TACR1: variants seen among roughly 807,000 people sequenced by gnomAD.
TACR1 encodes the protein substance-P receptor.
In TACR1, 25 loss-of-function variants were observed where a neutral mutation model predicts 35.8. The ratio of observed to expected loss-of-function variants is 0.70; its 90% CI spans 0.51 to 0.98. The LOEUF (loss-of-function observed/expected upper bound fraction) is 0.98, where lower values mean the gene tolerates loss of function less well. Ranked by LOEUF, TACR1 falls within the 50% of genes least tolerant of loss-of-function variation. The pLI, the probability that TACR1 is intolerant of heterozygous loss-of-function variation, is 0.00. For missense variants in TACR1, 478 were observed against 522.9 expected, an observed-to-expected ratio of 0.91 and a Z score of 0.84; for synonymous variants, 195 against 206.7, an observed-to-expected ratio of 0.94 and a Z score of 0.48.
intron 2 of TACR1, among the ~76,000 whole-genome samples, chr2:75,097,129 T>C (rs1397750202): frequency 6.6e-6 from 1 of 152,236 alleles, no homozygotes; most frequent in Admixed American, 6.5e-5. Flanking sequence ...CCCCATTTCC[T>C]TGTGCATTTG....
chr2:75,106,706 G>A (rs758179160), intron 2 of TACR1, among the ~76,000 whole-genome samples: 1 of 151,854 alleles, frequency 6.6e-6, no homozygotes, highest in Non-Finnish European at 1.5e-5. Context: ...TATTGTAAAT[G>A]TTAATAGCTA....
At chr2:75,173,267 A>G (rs180909254) in intron 1 of TACR1, among the ~76,000 whole-genome samples, 10 of 152,318 alleles carry the variant, frequency 6.6e-5, no homozygotes, top group African/African-American at 2.4e-4. Flanking sequence ...TTAGTACCCA[A>G]TGCAGTTGTA....
At chr2:75,111,525 T>A (rs1390183451) in intron 2 of TACR1, among the ~76,000 whole-genome samples, 3 of 152,036 alleles carry the variant, frequency 2.0e-5, no homozygotes, top group Non-Finnish European at 2.9e-5. Flanking sequence ...GTCTTTGTAA[T>A]AGAATTTGAA....
intron 1 of TACR1, among the ~76,000 whole-genome samples, chr2:75,166,390 A>G (rs1014389512): frequency 6.6e-6 from 1 of 152,260 alleles, no homozygotes; most frequent in Admixed American, 6.5e-5. Context: ...TTTAAATATT[A>G]AACATATTTT....
chr2:75,156,568 C>A (rs373615042), intron 1 of TACR1, among the ~76,000 whole-genome samples: 90 of 149,708 alleles, frequency 6.0e-4, no homozygotes, highest in South Asian at 3.2e-3. Flanking sequence ...ATGCCACTGC[C>A]CTCCAGCCTG....
intron 2 of TACR1, among the ~76,000 whole-genome samples, chr2:75,098,859 AC>A (rs1214799290): frequency 6.7e-6 from 1 of 150,060 alleles, no homozygotes; most frequent in Non-Finnish European, 1.5e-5. Flanking sequence ...CCTTAATAGA[AC>A]TCTGGCTGCT....
chr2:75,071,502 C>A (rs1672881155), intron 2 of TACR1, among the ~76,000 whole-genome samples: 2 of 152,198 alleles, frequency 1.3e-5, no homozygotes, highest in East Asian at 1.9e-4. Flanking sequence ...TTAACTGATG[C>A]CTTGTGCAGT....
chr2:75,094,959 T>G (rs1486661181), intron 2 of TACR1, among the ~76,000 whole-genome samples: 1 of 151,074 alleles, frequency 6.6e-6, no homozygotes, highest in Non-Finnish European at 1.5e-5. Flanking sequence ...AGCAGTAGCC[T>G]TTAGGATAGA....
At position 75,101,080 on chromosome 2, in the gene TACR1, G is replaced by A. The variant is rs370807387; in HGVS notation, c.584+19494C>T. Among the ~76,000 whole-genome samples, 4 of 151,864 alleles carry A rather than the reference G, an allele frequency of 2.6e-5. No homozygotes were observed. The South Asian group carries it at 8.3e-4, about 32-fold the overall frequency. On this transcript the variant is annotated intron_variant, in intron 2 of 4. Coordinates refer to ENST00000305249, the MANE Select transcript of TACR1 (RefSeq NM_001058.4). ...GAATGATGAATAACATGTTGGACAC[G>A]GCAGAAAACTGAATTAGTCAGGCAG...
intron 2 of TACR1, among the ~76,000 whole-genome samples, chr2:75,098,170 A>AC (rs1260472685): frequency 6.6e-6 from 1 of 152,214 alleles, no homozygotes; most frequent in Non-Finnish European, 1.5e-5. Context: ...CTCCAAAAAG[A>AC]CTTAATAATT....
intron 1 of TACR1, among the ~76,000 whole-genome samples, chr2:75,128,136 C>T (rs1481104473): frequency 2.6e-5 from 4 of 152,204 alleles, no homozygotes; most frequent in Non-Finnish European, 5.9e-5. Flanking sequence ...CTGGATGTGC[C>T]AGCTGATGTT....
At chr2:75,145,232 T>C (rs1674483067) in intron 1 of TACR1, among the ~76,000 whole-genome samples, 1 of 152,154 alleles carries the variant, frequency 6.6e-6, no homozygotes, top group African/African-American at 2.4e-5. Context: ...TAGAATAATA[T>C]GTCTTTAATT....
chr2:75,198,421 A>T, intron 1 of TACR1, 125 bp downstream of exon 1: 1 of 1,097,614 alleles, frequency 9.1e-7, no homozygotes, highest in Non-Finnish European at 1.3e-6. Flanking sequence ...TCAGTTGATC[A>T]GTAAAAAAAC....
chr2:75,124,033 C>T (rs1040714202), intron 1 of TACR1, among the ~76,000 whole-genome samples: 4 of 152,170 alleles, frequency 2.6e-5, no homozygotes, highest in Admixed American at 6.5e-5. Flanking sequence ...GTCAATGAAA[C>T]GTCTTTCTGG....
rs560621646 is a variant in TACR1, at chr2:75,133,945, G to A, written c.390-13177C>T. ...CCAAACCCCACCAAACCAAGATGGC[G>A]AAGAGACTTCTTTGTTTTGGAGACC... On this transcript the variant is annotated intron_variant, in intron 1 of 4. Transcript: ENST00000305249. 3.3e-4 allele frequency among the ~76,000 whole-genome samples: 51 copies of A among 152,280 alleles called. 1 individual carries two copies. The South Asian group carries it at 3.7e-3, about 11-fold the overall frequency.
At chr2:75,113,320 T>C (rs1257254625) in intron 2 of TACR1, among the ~76,000 whole-genome samples, 1 of 152,108 alleles carries the variant, frequency 6.6e-6, no homozygotes, top group Non-Finnish European at 1.5e-5. Flanking sequence ...CTAAATTGGG[T>C]GGACCCATCT....
intron 2 of TACR1, among the ~76,000 whole-genome samples, chr2:75,104,974 C>T (rs576682723): frequency 4.3e-4 from 66 of 151,988 alleles, no homozygotes; most frequent in South Asian, 1.0e-3. Context: ...GAAAACCATA[C>T]GGAAGTTCCT....
rs1175351657 is a variant in TACR1, at chr2:75,110,602, A to G, written c.584+9972T>C. On this transcript the variant is annotated intron_variant, in intron 2 of 4. Coordinates refer to ENST00000305249, the MANE Select transcript of TACR1 (RefSeq NM_001058.4). ...TATTACTTTGAAGCCTGCTTTATTT[A>G]CTGATTATAATATTATGATAAATAA... Among the ~76,000 whole-genome samples the G allele has an allele frequency of 3.3e-5, 5 of 151,954 alleles. No individual in the cohort carries two copies. The East Asian group carries it at 7.7e-4, about 23-fold the overall frequency.
At chr2:75,160,320 G>C (rs369781486) in intron 1 of TACR1, among the ~76,000 whole-genome samples, 21 of 151,798 alleles carry the variant, frequency 1.4e-4, no homozygotes, top group South Asian at 1.2e-3. Flanking sequence ...ATGCTCAAAA[G>C]GCAGAAAAAA....
Sources: gnomAD v4.1 joint callset for allele counts (sites outside exome capture counted in the v4.1 genomes callset) on GRCh38, gnomAD v4.1.1 for gene constraint, MANE v1.5 for transcripts, NCBI Gene and HGNC (gene_info 2026-07-23, HGNC 2026-07-21) for gene names.